The following IL24 variants were observed in gnomAD, a reference collection of about 807,000 sequenced individuals.
The protein encoded by IL24 is interleukin-24.
In IL24, 24 loss-of-function variants were observed where a neutral mutation model predicts 27.6. That is an observed-to-expected ratio of 0.87 (90% confidence interval 0.63 to 1.22). IL24 has a LOEUF of 1.22. Ranked by LOEUF, IL24 falls within the 50% of genes most tolerant of loss-of-function variation. The pLI is 0.00. For synonymous variants in IL24, 99 were observed against 93.1 expected, an observed-to-expected ratio of 1.06 and a Z score of -0.36; for missense variants, 240 against 237.0, an observed-to-expected ratio of 1.01 and a Z score of -0.08.
At position 206,897,775 on chromosome 1, in the gene IL24, C is replaced by T; in HGVS notation, c.-58C>T. 1 of 1,601,288 alleles carries T rather than the reference C, an allele frequency of 6.2e-7. No individual in the cohort carries two copies. Among genetic ancestry groups the T allele is most frequent in the Non-Finnish European group, 8.5e-7 (1 of 1,170,302 alleles). ...TGAGGAGCTGCTTTCGCCAATTTAA[C>T]ACCAAGAAGAATTGAGGCTGCTTGG... On this transcript the variant is annotated 5_prime_UTR_variant, in exon 2 of 7. Transcript: ENST00000294984.
chr1:206,899,573 T>C, intron 3 of IL24, 58 bp downstream of exon 3: 1 of 1,378,904 alleles, frequency 7.3e-7, no homozygotes, highest in South Asian at 1.4e-5. Context: ...AGTGGGCCAG[T>C]GGGGCGAGGG....
intron 3 of IL24, 126 bp downstream of exon 3, chr1:206,899,641 C>A: frequency 1.4e-6 from 1 of 727,370 alleles, no homozygotes; most frequent in Non-Finnish European, 2.1e-6. Context: ...TCCAGTTTCC[C>A]ATATAATAAC....
In IL24 at chr1:206,901,692, C is replaced by T. The variant is rs1228571240; in HGVS notation, c.462+40C>T. On this transcript the variant is annotated intron_variant, in intron 5 of 6. Coordinates refer to ENST00000294984, the MANE Select transcript of IL24 (RefSeq NM_006850.3). ...CTCTGGATACTGGCAGCTCTGGGTT[C>T]AAGTCTAGGTCTGCTTCCAATCTGC... is the stretch of plus-strand genomic sequence containing the variant. 8 of 1,558,240 alleles carry T rather than the reference C, an allele frequency of 5.1e-6. No individual in the cohort carries two copies. In the Admixed American group the frequency reaches 1.0e-4, roughly 20 times the overall value.
At chr1:206,901,947 C>T (rs1238720716) in intron 5 of IL24, 51 bp from the exon 6 acceptor site, 1 of 1,567,334 alleles carries the variant, frequency 6.4e-7, no homozygotes, top group Non-Finnish European at 8.8e-7. Flanking sequence ...AGGGAGTTTG[C>T]ATCTGCTCCT....
Position 206,902,016 on chromosome 1 carries a change from T to C in IL24, c.481T>C (p.Ser161Pro). Reference protein sequence around the residue: ...LQPSQENEMFSIRDSAHRRFL... With the variant: ...LQPSQENEMFPIRDSAHRRFL... ...TATGTAGCAAGAAAATGAGATGTTT[T>C]CCATCAGAGACAGTGCACACAGGCG... Residue 161 changes from serine to proline, a missense_variant, in exon 6 of 7, where the codon TCC becomes CCC. Physicochemically the swap from Ser to Pro is moderately conservative, Grantham distance 74. Transcript: ENST00000294984. The C allele has an allele frequency of 6.2e-7, 1 of 1,614,132 alleles. No individual in the cohort carries two copies. Among genetic ancestry groups the C allele is most frequent in the Non-Finnish European group, 8.5e-7 (1 of 1,180,024 alleles).
rs1678407109 is a variant in IL24, at chr1:206,902,013, T to C, written c.478T>C (p.Phe160Leu). Residue 160 changes from phenylalanine to leucine, a missense_variant, in exon 6 of 7, where the codon TTT (phenylalanine) becomes CTT (leucine). Physicochemically the swap from Phe to Leu is conservative, Grantham distance 22 (BLOSUM62 0). Transcript: ENST00000294984. The stretch of plus-strand genomic sequence containing the variant: ...TGTTATGTAGCAAGAAAATGAGATG[T>C]TTTCCATCAGAGACAGTGCACACAG... ...QLQPSQENEM[F>L]SIRDSAHRRF... The C allele has an allele frequency of 1.9e-6, 3 of 1,614,066 alleles. No homozygotes were observed. Among genetic ancestry groups the C allele is most frequent in the South Asian group, 1.1e-5 (1 of 91,078 alleles).
chr1:206,901,801 G>A, intron 5 of IL24, 149 bp downstream of exon 5: 2 of 856,120 alleles, frequency 2.3e-6, no homozygotes, highest in Non-Finnish European at 3.7e-6. Context: ...CTGCCTGGCA[G>A]GATTGCTGCG....
rs1678287354 is a variant in IL24, at chr1:206,899,378, TGCCTGG to T, written c.105_110del (p.Leu36_Gly37del). The T allele has an allele frequency of 1.2e-6, 2 of 1,614,214 alleles. No homozygotes were observed. Among genetic ancestry groups the T allele is most frequent in the Admixed American group, 1.7e-5 (1 of 60,026 alleles). On this transcript the variant is annotated inframe_deletion, in exon 3 of 7. Coordinates refer to ENST00000294984, the MANE Select transcript of IL24 (RefSeq NM_006850.3). The stretch of plus-strand genomic sequence containing the variant: ...TCAAATGCAGATGGTTGTGCTCCCT[TGCCTGG>T]GTTTTACCCTGCTTCTCTGGAGCCA...
chr1:206,899,526 T>A lies in IL24; in HGVS notation c.240+11T>A. 3.2e-6 allele frequency: 5 copies of A among 1,578,250 alleles called. No individual in the cohort carries two copies. Among genetic ancestry groups the A allele is most frequent in the Non-Finnish European group, 4.3e-6 (5 of 1,162,470 alleles). On this transcript the variant is annotated intron_variant, in intron 3 of 6. Coordinates refer to ENST00000294984, the MANE Select transcript of IL24 (RefSeq NM_006850.3). ...GTGAAAGACACTATGGTGAGTAAAG[T>A]GCTGTTCTGGACCCAGTCGTGGGGG... is the stretch of plus-strand genomic sequence containing the variant.
In IL24 at chr1:206,902,960, C is replaced by G. The variant is rs1380030533; in HGVS notation, c.538-16C>G. 4.3e-6 allele frequency: 7 copies of G among 1,614,116 alleles called. No individual in the cohort carries two copies. Among genetic ancestry groups the G allele is most frequent in the African/African-American group, 4.0e-5 (3 of 75,028 alleles). On this transcript the variant is annotated splice_polypyrimidine_tract_variant and intron_variant, in intron 6 of 6. Coordinates refer to ENST00000294984, the MANE Select transcript of IL24 (RefSeq NM_006850.3). ...ATAGCTAACATGGCTGACCTTCAAC[C>G]CTCTTTTCCCTTTAGTTGGACGTAG...
intron 2 of IL24, among the ~76,000 whole-genome samples, chr1:206,898,205 A>G (rs955896585): frequency 4.0e-5 from 6 of 150,078 alleles, no homozygotes; most frequent in Non-Finnish European, 5.9e-5. Flanking sequence ...AGTTTGAAAG[A>G]ACAGAATGAA....
chr1:206,902,882 GA>G, intron 6 of IL24, 93 bp from the exon 7 acceptor site: 1 of 1,600,896 alleles, frequency 6.2e-7, no homozygotes, highest in Non-Finnish European at 8.5e-7. Context: ...CCATCCCTTG[GA>G]TTGGAGTCAG....
intron 6 of IL24, 136 bp downstream of exon 6, chr1:206,902,208 T>C (rs1678418818): frequency 9.2e-6 from 13 of 1,419,924 alleles, no homozygotes; most frequent in Non-Finnish European, 1.2e-5. Flanking sequence ...CCCCCTGACT[T>C]AGCAGGAGCA....
At chr1:206,902,599 T>C in intron 6 of IL24, 4 of 985,332 alleles carry the variant, frequency 4.1e-6, no homozygotes, top group Non-Finnish European at 4.8e-6. Context: ...TGCATCAGCT[T>C]TTAAATAAAT....
intron 2 of IL24, 130 bp downstream of exon 2, chr1:206,898,006 A>T: frequency 3.8e-6 from 2 of 533,326 alleles, no homozygotes; most frequent in Non-Finnish European, 3.3e-6. Flanking sequence ...TACAAAAAAA[A>T]ATTAGTTGGG....
At chr1:206,900,132 C>A (rs1678318097) in intron 3 of IL24, among the ~76,000 whole-genome samples, 163 bp from the exon 4 acceptor site, 1 of 152,178 alleles carries the variant, frequency 6.6e-6, no homozygotes, top group South Asian at 2.1e-4. Flanking sequence ...TCCCCATGGG[C>A]CAGCTCAGCC....
chr1:206,900,427 T>A, intron 4 of IL24, 70 bp downstream of exon 4: 1 of 1,377,966 alleles, frequency 7.3e-7, no homozygotes. Flanking sequence ...AAGGCTTTCT[T>A]AGGGGAGGTT....
At chr1:206,897,665 GCTTT>G in intron 1 of IL24, 50 bp downstream of exon 1, 1 of 586,212 alleles carries the variant, frequency 1.7e-6, no homozygotes, top group Non-Finnish European at 3.0e-6. Context: ...CTAGACCTCT[GCTTT>G]ATTTGTGAAA....
chr1:206,900,466 C>G, intron 4 of IL24, 109 bp downstream of exon 4: 1 of 977,726 alleles, frequency 1.0e-6, no homozygotes, highest in South Asian at 1.3e-5. Flanking sequence ...CTTCCCTGGA[C>G]TGACCTTACA....
Sources: gnomAD v4.1 joint callset for allele counts (sites outside exome capture counted in the v4.1 genomes callset) on GRCh38, gnomAD v4.1.1 for gene constraint, MANE v1.5 for transcripts, NCBI Gene and HGNC (gene_info 2026-07-23, HGNC 2026-07-21) for gene names.